Variants in RB1CC1 observed in about 807,000 individuals in gnomAD.
RB1CC1 encodes the protein RB1-inducible coiled-coil protein 1.
RB1CC1 carries 46 observed loss-of-function variants against 177.5 expected under a neutral mutation model. The observed-to-expected ratio is 0.26, with a 90% CI of 0.20 to 0.33. The LOEUF (loss-of-function observed/expected upper bound fraction) is 0.33. RB1CC1 is among the 10% of genes least tolerant of loss of function. RB1CC1 has a pLI of 1.00. For missense variants in RB1CC1, 1,703 were observed against 1,816.3 expected (o/e 0.94, Z 1.13); for synonymous variants, 666 against 613.6 (o/e 1.09, Z -1.26).
At chr8:52,655,636 T>C (rs1851023925) in intron 15 of RB1CC1, among the ~76,000 whole-genome samples, 1 of 152,032 alleles carries the variant, frequency 6.6e-6, no homozygotes, top group Non-Finnish European at 1.5e-5. Flanking sequence ...CTTTAATATA[T>C]ATACTAAATT....
In RB1CC1 at chr8:52,642,547, C is replaced by T. The variant is rs780671661; in HGVS notation, c.4141G>A (p.Glu1381Lys). The T allele has an allele frequency of 1.9e-6, 3 of 1,613,988 alleles. No homozygotes were observed. The highest frequency in any genetic ancestry group is 2.5e-6 in the Non-Finnish European group (3 of 1,179,976). The change falls in exon 18 of 24, where the codon GAA becomes AAA. Residue 1381 changes from glutamate (E) to lysine (K), a missense_variant. By Grantham distance (56) the Glu-to-Lys change is moderately conservative. This residue lies in a region of RB1CC1 where 1,169 missense variants were observed against 1,184.7 expected (regional missense o/e 0.99). Transcript: ENST00000025008. ...LSEDRARLLEEKKKLEEEVSK... is the reference protein window; with the variant it reads ...LSEDRARLLEKKKKLEEEVSK... The stretch of plus-strand genomic sequence containing the variant: ...ACTTCTTCTTCAAGCTTTTTCTTTT[C>T]CTCAAGCAAACGAGCTCGATCTTCA...
intron 12 of RB1CC1, among the ~76,000 whole-genome samples, chr8:52,659,779 C>A (rs1465025249): frequency 6.6e-6 from 1 of 152,178 alleles, no homozygotes. Flanking sequence ...GGGCAGAACA[C>A]TTGGGGCCAG....
chr8:52,702,901 G>A (rs1224110709), intron 1 of RB1CC1, among the ~76,000 whole-genome samples: 4 of 152,030 alleles, frequency 2.6e-5, no homozygotes, highest in Non-Finnish European at 5.9e-5. Context: ...CTAGGGACAG[G>A]AAGTAACTCT....
chr8:52,708,425 G>A (rs1287082865), intron 1 of RB1CC1, among the ~76,000 whole-genome samples: 1 of 152,170 alleles, frequency 6.6e-6, no homozygotes, highest in Non-Finnish European at 1.5e-5. Flanking sequence ...GCTGAGGTGG[G>A]AGAATGGCGT....
At chr8:52,712,828 C>T (rs1857170375) in intron 1 of RB1CC1, among the ~76,000 whole-genome samples, 1 of 152,146 alleles carries the variant, frequency 6.6e-6, no homozygotes, top group African/African-American at 2.4e-5. Context: ...TATTCTGTTA[C>T]AACAAATATA....
chr8:52,652,484 T>C (rs1850689763), intron 15 of RB1CC1, among the ~76,000 whole-genome samples: 4 of 148,676 alleles, frequency 2.7e-5, no homozygotes, highest in Admixed American at 2.0e-4. Context: ...AAAAAAGTCT[T>C]ATGTATGCCA....
chr8:52,682,586 A>G (rs1853860229), intron 5 of RB1CC1, among the ~76,000 whole-genome samples: 4 of 152,034 alleles, frequency 2.6e-5, no homozygotes, highest in Admixed American at 1.3e-4. Context: ...CGTTGAATAT[A>G]GTTTTAATTG....
chr8:52,681,170 T>C (rs1374151571), intron 5 of RB1CC1, among the ~76,000 whole-genome samples: 2 of 151,954 alleles, frequency 1.3e-5, no homozygotes, highest in African/African-American at 4.8e-5. Flanking sequence ...TTTTGCATTT[T>C]TTTTTTAAGT....
At chr8:52,659,588 T>TA (rs1851421699) in intron 12 of RB1CC1, among the ~76,000 whole-genome samples, 1 of 152,270 alleles carries the variant, frequency 6.6e-6, no homozygotes, top group African/African-American at 2.4e-5. Flanking sequence ...ATGCTCTTCA[T>TA]AAAAAAGAGT....
intron 5 of RB1CC1, among the ~76,000 whole-genome samples, 170 bp from the exon 6 acceptor site, chr8:52,676,741 T>TA (rs905194459): frequency 6.6e-6 from 1 of 152,024 alleles, no homozygotes; most frequent in African/African-American, 2.4e-5. Context: ...AAAGACAGCC[T>TA]AAACATAAGT....
intron 5 of RB1CC1, among the ~76,000 whole-genome samples, chr8:52,678,830 C>T (rs1853408785): frequency 6.6e-6 from 1 of 152,168 alleles, no homozygotes; most frequent in African/African-American, 2.4e-5. Context: ...TTCTCCCTGG[C>T]TATCTGGCCT....
intron 21 of RB1CC1, among the ~76,000 whole-genome samples, chr8:52,629,276 A>T (rs994756370): frequency 6.6e-6 from 1 of 152,188 alleles, no homozygotes; most frequent in Non-Finnish European, 1.5e-5. Context: ...AACTTTCACA[A>T]CCTTCCTGTC....
At chr8:52,641,621 C>T (rs1425292220) in intron 18 of RB1CC1, among the ~76,000 whole-genome samples, 3 of 151,860 alleles carry the variant, frequency 2.0e-5, no homozygotes, top group Non-Finnish European at 2.9e-5. Context: ...ATCACTTGTT[C>T]GAATTACTTC....
rs749134236 is a variant in RB1CC1 at position 52,685,435 on chromosome 8, G to T, written c.35C>A (p.Thr12Asn). ...KLYVFLVNTGTTLTFDTELTV... is the reference protein window; with the variant it reads ...KLYVFLVNTGNTLTFDTELTV... ...AAGTTCAGTGTCAAATGTTAGAGTAGTTCCAGTGTTAACCAGAAATACATA... is the reference window on the plus strand; with the variant it reads ...AAGTTCAGTGTCAAATGTTAGAGTATTTCCAGTGTTAACCAGAAATACATA... Residue 12 changes from threonine (T) to asparagine (N), a missense_variant, in exon 3 of 24, where the codon ACT becomes AAT. Physicochemically the swap from Thr to Asn is moderately conservative, Grantham distance 65. Coordinates refer to ENST00000025008, the MANE Select transcript of RB1CC1 (RefSeq NM_014781.5). The T allele has an allele frequency of 3.1e-6, 5 of 1,600,140 alleles. No homozygotes were observed. The highest frequency in any genetic ancestry group is 4.3e-6 in the Non-Finnish European group (5 of 1,171,732).
At chr8:52,672,678 G>A (rs374395740) in intron 7 of RB1CC1, among the ~76,000 whole-genome samples, 1 of 152,236 alleles carries the variant, frequency 6.6e-6, no homozygotes, top group South Asian at 2.1e-4. Context: ...CCTGGGAGGT[G>A]GAGAACCAAT....
At chr8:52,653,993 AAATTCCT>A (rs1481421192) in intron 15 of RB1CC1, among the ~76,000 whole-genome samples, 1 of 152,162 alleles carries the variant, frequency 6.6e-6, no homozygotes, top group Non-Finnish European at 1.5e-5. Context: ...AGGCCAAGTA[AAATTCCT>A]AAAACTCTCA....
At chr8:52,713,024 T>G (rs765967391) in intron 1 of RB1CC1, among the ~76,000 whole-genome samples, 1 of 152,216 alleles carries the variant, frequency 6.6e-6, no homozygotes, top group Non-Finnish European at 1.5e-5. Context: ...AACACACAAT[T>G]AAGTCTACTT....
chr8:52,684,966 T>C (rs113797682), intron 3 of RB1CC1, among the ~76,000 whole-genome samples: 7 of 151,784 alleles, frequency 4.6e-5, no homozygotes, highest in African/African-American at 1.7e-4. Flanking sequence ...ATAAAATATG[T>C]TGGGATAAAA....
At position 52,628,063 on chromosome 8, in the gene RB1CC1, T is replaced by A; in HGVS notation, c.4605A>T (p.Leu1535=). 6.2e-7 allele frequency: 1 copy of A among 1,605,718 alleles called. No individual in the cohort carries two copies. Among genetic ancestry groups the A allele is most frequent in the Non-Finnish European group, 8.5e-7 (1 of 1,175,590 alleles). ...PTLYFLHSES[L]PALDLKPGEG... ...CACCTGGTTTGAGATCCAGGGCAGG[T>A]AGAGACTCTGAATGTAGAAAATATA... The change falls in exon 22 of 24, where the codon CTA becomes CTT. Residue 1535 remains leucine, a synonymous_variant. Coordinates refer to ENST00000025008, the MANE Select transcript of RB1CC1 (RefSeq NM_014781.5).
Sources: gnomAD v4.1 joint callset for allele counts (sites outside exome capture counted in the v4.1 genomes callset) on GRCh38, gnomAD v4.1.1 for gene constraint, gnomAD v4.1.1 regional missense constraint, MANE v1.5 for transcripts, NCBI Gene and HGNC (gene_info 2026-07-23, HGNC 2026-07-21) for gene names.